The following CACNA1C variants were observed in gnomAD, a reference collection of about 807,000 sequenced individuals.
The protein encoded by CACNA1C is voltage-dependent L-type calcium channel subunit alpha-1C.
CACNA1C carries 30 observed loss-of-function variants against 229.0 expected under a neutral mutation model. That is an observed-to-expected ratio of 0.13 (90% confidence interval 0.10 to 0.18). The LOEUF (loss-of-function observed/expected upper bound fraction) is 0.18. CACNA1C is among the 10% of genes least tolerant of loss of function. CACNA1C has a pLI of 1.00. For synonymous variants in CACNA1C, 1,114 were observed against 1,132.5 expected, an observed-to-expected ratio of 0.98 and a Z score of 0.33; for missense variants, 1,658 against 2,845.0, an observed-to-expected ratio of 0.58 and a Z score of 9.49.
At chr12:2,329,991 A>G (rs181852518) in intron 3 of CACNA1C, among the ~76,000 whole-genome samples, 1 of 152,332 alleles carries the variant, frequency 6.6e-6, no homozygotes, top group Non-Finnish European at 1.5e-5. Flanking sequence ...GTTGTTTGAA[A>G]ATACATATCT....
intron 9 of CACNA1C, among the ~76,000 whole-genome samples, chr12:2,528,835 G>A (rs1251163362): frequency 1.3e-5 from 2 of 152,186 alleles, no homozygotes; most frequent in Non-Finnish European, 2.9e-5. Context: ...AGCTCTTCCT[G>A]GGATTCAAGT....
At chr12:1,985,884 C>G (rs1443761679) in intron 1 of CACNA1C, among the ~76,000 whole-genome samples, 4 of 152,118 alleles carry the variant, frequency 2.6e-5, no homozygotes, top group Non-Finnish European at 5.9e-5. Context: ...GATCTTGGCT[C>G]ACTGCAAGCT....
chr12:2,074,525 A>G (rs926127775), intron 1 of CACNA1C, among the ~76,000 whole-genome samples: 7 of 152,044 alleles, frequency 4.6e-5, no homozygotes, highest in African/African-American at 1.2e-4. Flanking sequence ...CCTTTGTACC[A>G]TGAACTTGTT....
At chr12:2,457,813 T>G (rs1027893789) in intron 5 of CACNA1C, 107 bp downstream of exon 5, 74 of 1,030,754 alleles carry the variant, frequency 7.2e-5, no homozygotes, top group Non-Finnish European at 9.4e-5. Context: ...TCCATATAAA[T>G]GGAGGGGTTT....
intron 44 of CACNA1C, 96 bp from the exon 45 acceptor site, chr12:2,686,070 T>C (rs2097457902): frequency 4.8e-6 from 5 of 1,047,022 alleles, no homozygotes; most frequent in South Asian, 1.3e-5. Flanking sequence ...TCTCGGGCCA[T>C]AGTTACTGCT....
At chr12:2,673,639 A>G (rs778268943) in intron 38 of CACNA1C, among the ~76,000 whole-genome samples, 3 of 152,020 alleles carry the variant, frequency 2.0e-5, no homozygotes, top group African/African-American at 4.8e-5. Flanking sequence ...ATTTGTTGCA[A>G]TTGTAGGCCT....
chr12:2,042,473 T>G (rs2050282017), intron 1 of CACNA1C, among the ~76,000 whole-genome samples: 1 of 152,166 alleles, frequency 6.6e-6, no homozygotes, highest in Admixed American at 6.6e-5. Context: ...GTACCAGAAA[T>G]AATATATTTT....
At chr12:2,294,159 A>G (rs925459286) in intron 3 of CACNA1C, among the ~76,000 whole-genome samples, 3 of 152,168 alleles carry the variant, frequency 2.0e-5, no homozygotes. Flanking sequence ...TGAAGAGTAT[A>G]TATTCATAAT....
Position 2,142,536 on chromosome 12 carries a change from C to T in CACNA1C, c.477+22106C>T, listed in dbSNP as rs149310084. Among the ~76,000 whole-genome samples the T allele has an allele frequency of 2.1e-3, 316 of 151,410 alleles. 3 individuals carry two copies. Among genetic ancestry groups the T allele is most frequent in the African/African-American group, 7.2e-3 (297 of 41,474 alleles). On this transcript the variant is annotated intron_variant, in intron 3 of 46. Transcript: ENST00000399655. ...GTATACTCCTACTTATTAAAACAAA[C>T]GTTAACTGTAAAACAGCCTCAGGCA...
chr12:2,005,121 C>T (rs1353893515), intron 1 of CACNA1C, among the ~76,000 whole-genome samples: 1 of 149,892 alleles, frequency 6.7e-6, no homozygotes, highest in Non-Finnish European at 1.5e-5. Flanking sequence ...GTACGCGTCA[C>T]TAATCTGCAC....
At chr12:2,535,388 C>CA in intron 9 of CACNA1C, among the ~76,000 whole-genome samples, 1 of 147,042 alleles carries the variant, frequency 6.8e-6, no homozygotes, top group Non-Finnish European at 1.5e-5. Flanking sequence ...GGCCCTGTCT[C>CA]AAAAAAAGAA....
chr12:2,537,465 G>A (rs2099858508), intron 9 of CACNA1C, among the ~76,000 whole-genome samples: 1 of 152,176 alleles, frequency 6.6e-6, no homozygotes, highest in Non-Finnish European at 1.5e-5. Context: ...GAGCTTTGTT[G>A]TTAATATGAA....
intron 5 of CACNA1C, among the ~76,000 whole-genome samples, chr12:2,478,672 C>T (rs913951693): frequency 4.6e-5 from 7 of 152,184 alleles, no homozygotes; most frequent in South Asian, 2.1e-4. Context: ...GATAGGTAAA[C>T]GATCATCCTC....
At chr12:2,577,804 G>T (rs926343045) in intron 13 of CACNA1C, among the ~76,000 whole-genome samples, 1 of 152,114 alleles carries the variant, frequency 6.6e-6, no homozygotes, top group Non-Finnish European at 1.5e-5. Flanking sequence ...TAACAGATGG[G>T]TTCCTTCTCC....
Position 2,460,728 on chromosome 12 carries a change from T to C in CACNA1C, c.757+3022T>C, listed in dbSNP as rs16929439. ...AGGAAAATATTTTCGCCATTAGAGA[T>C]GATGACACTGAGATGGATTTGCTGT... is the stretch of plus-strand genomic sequence containing the variant. On this transcript the variant is annotated intron_variant, in intron 5 of 46. Coordinates refer to ENST00000399655, the MANE Select transcript of CACNA1C (RefSeq NM_000719.7). Among the ~76,000 whole-genome samples, 690 of 152,328 alleles carry C rather than the reference T, an allele frequency of 4.5e-3. 23 individuals carry two copies. The highest frequency in any genetic ancestry group is 0.039 in the Admixed American group (599 of 15,302).
At chr12:2,211,265 A>G (rs189655737) in intron 3 of CACNA1C, among the ~76,000 whole-genome samples, 4 of 152,308 alleles carry the variant, frequency 2.6e-5, no homozygotes, top group African/African-American at 9.6e-5. Context: ...GATGCTACCC[A>G]CTTTCTTACA....
chr12:2,221,627 T>C (rs1157556292), intron 3 of CACNA1C: 1 of 152,248 alleles, frequency 6.6e-6, no homozygotes, highest in Non-Finnish European at 1.5e-5. Flanking sequence ...TGGAGGGTCA[T>C]TTGACAAAAT....
At position 2,589,599 on chromosome 12, in the gene CACNA1C, C is replaced by T. The variant is rs368188621; in HGVS notation, c.2531-3614C>T. Among the ~76,000 whole-genome samples, 22 of 152,258 alleles carry T rather than the reference C, an allele frequency of 1.4e-4. 1 individual carries two copies. The highest frequency in any genetic ancestry group is 4.1e-4 in the African/African-American group (17 of 41,558). On this transcript the variant is annotated intron_variant, in intron 18 of 46. Transcript: ENST00000399655. ...GCAGGGCAGAAGGCGCAGGGCCATG[C>T]GGGAGGCTGGGTCTGATCCAGTGCC...
intron 3 of CACNA1C, among the ~76,000 whole-genome samples, chr12:2,343,040 G>A (rs569056991): frequency 1.2e-4 from 19 of 152,236 alleles, no homozygotes; most frequent in Non-Finnish European, 2.5e-4. Context: ...GCAAGCAACA[G>A]ACTGAAGCTT....
Sources: allele counts gnomAD v4.1 joint callset (sites outside exome capture counted in the v4.1 genomes callset), GRCh38; gene constraint gnomAD v4.1.1; transcripts MANE v1.5; gene names NCBI Gene and HGNC (gene_info 2026-07-23, HGNC 2026-07-21).